Variants in TBC1D1 observed in about 807,000 individuals in gnomAD.
TBC1D1 encodes TBC1 domain family member 1, also known as TBC1 (tre-2/USP6, BUB2, cdc16) domain family, member 1.
In TBC1D1, 89 loss-of-function variants were observed where a neutral mutation model predicts 125.6. The observed-to-expected ratio is 0.71, with a 90% CI of 0.60 to 0.85. The LOEUF (loss-of-function observed/expected upper bound fraction) is 0.85, where lower values mean the gene tolerates loss of function less well. TBC1D1 is among the 40% of genes least tolerant of loss of function. The probability of loss-of-function intolerance (pLI) is 0.00; values close to 1 mark genes in which losing one functional copy is unlikely to be tolerated. For synonymous variants in TBC1D1, 565 were observed against 564.1 expected (o/e 1.00, Z -0.02); for missense variants, 1,377 against 1,469.2 (o/e 0.94, Z 1.03).
intron 12 of TBC1D1, among the ~76,000 whole-genome samples, chr4:38,070,081 G>C (rs1049296302): frequency 1.3e-5 from 2 of 152,106 alleles, no homozygotes; most frequent in African/African-American, 4.8e-5. Flanking sequence ...TGTGTTCTTG[G>C]TAATTATATT....
chr4:37,894,362 T>C (rs1714091641), intron 1 of TBC1D1, among the ~76,000 whole-genome samples: 1 of 152,198 alleles, frequency 6.6e-6, no homozygotes, highest in Admixed American at 6.6e-5. Flanking sequence ...CCTTTTCAGA[T>C]TTCAGATGTT....
At chr4:38,086,260 T>C (rs1398610276) in intron 12 of TBC1D1, among the ~76,000 whole-genome samples, 1 of 152,234 alleles carries the variant, frequency 6.6e-6, no homozygotes, top group Non-Finnish European at 1.5e-5. Context: ...GGTGAGATTT[T>C]AGCTCTGAAT....
chr4:37,934,648 C>A (rs1282270558), intron 2 of TBC1D1, among the ~76,000 whole-genome samples: 2 of 152,118 alleles, frequency 1.3e-5, no homozygotes, highest in Non-Finnish European at 2.9e-5. Flanking sequence ...AATTGGCCAG[C>A]AGAGAGAGTC....
intron 2 of TBC1D1, among the ~76,000 whole-genome samples, chr4:37,997,145 T>TA (rs1373322235): frequency 6.6e-6 from 1 of 152,266 alleles, no homozygotes; most frequent in Non-Finnish European, 1.5e-5. Context: ...GTTAACACGC[T>TA]AATGGTTTAT....
chr4:37,891,527 C>G (rs1331397411), intron 1 of TBC1D1, among the ~76,000 whole-genome samples, 179 bp downstream of exon 1: 12 of 131,172 alleles, frequency 9.1e-5, no homozygotes, highest in Non-Finnish European at 1.6e-4. Flanking sequence ...CATCTCGTTG[C>G]CCCCCTTACC....
intron 19 of TBC1D1, 39 bp downstream of exon 21, chr4:38,133,296 TATATG>T (rs773062112): frequency 6.3e-7 from 1 of 1,584,182 alleles, no homozygotes; most frequent in East Asian, 2.2e-5. Flanking sequence ...GAATCACAAA[TATATG>T]GTAGTTCATT....
chr4:38,043,109 C>T (rs142633049), intron 8 of TBC1D1, among the ~76,000 whole-genome samples: 5,130 of 150,364 alleles, frequency 0.034, 232 homozygotes, highest in African/African-American at 0.1. Context: ...CCCGTGTTGG[C>T]CAGGCTGATC....
At chr4:38,135,447 G>A (rs560703695) in intron 19 of TBC1D1, among the ~76,000 whole-genome samples, 1 of 152,366 alleles carries the variant, frequency 6.6e-6, no homozygotes, top group Non-Finnish European at 1.5e-5. Context: ...AGGACCATGT[G>A]TGAAAGAGAA....
intron 12 of TBC1D1, among the ~76,000 whole-genome samples, chr4:38,079,765 C>T (rs150449429): frequency 2.0e-5 from 3 of 152,186 alleles, no homozygotes; most frequent in South Asian, 2.1e-4. Flanking sequence ...TTTTAAAACT[C>T]TATTTAATGG....
intron 5 of TBC1D1, 142 bp from the exon 6 acceptor site, chr4:38,021,444 A>G (rs1195830315): frequency 4.8e-6 from 3 of 630,858 alleles, no homozygotes; most frequent in Non-Finnish European, 7.5e-6. Flanking sequence ...TGTTATTCCA[A>G]TTATTATCTG....
intron 8 of TBC1D1, among the ~76,000 whole-genome samples, chr4:38,042,914 A>G (rs1299455086): frequency 6.6e-6 from 1 of 152,016 alleles, no homozygotes. Context: ...GTGTGTTTGT[A>G]TTTTTGAGAT....
At chr4:38,027,342 G>A (rs976000215) in intron 6 of TBC1D1, among the ~76,000 whole-genome samples, 2 of 152,306 alleles carry the variant, frequency 1.3e-5, no homozygotes, top group East Asian at 3.9e-4. Context: ...AAATTTCCAC[G>A]CCAAGCACAG....
intron 2 of TBC1D1, among the ~76,000 whole-genome samples, chr4:37,987,987 G>A (rs371147823): frequency 1.3e-5 from 2 of 152,154 alleles, no homozygotes; most frequent in East Asian, 1.9e-4. Context: ...AGTAGCAGGC[G>A]TGGGGTGCAG....
At chr4:38,114,063 A>ACC (rs1317589539) in intron 15 of TBC1D1, among the ~76,000 whole-genome samples, 2 of 148,696 alleles carry the variant, frequency 1.3e-5, no homozygotes, top group East Asian at 3.9e-4. Flanking sequence ...ACACACACAC[A>ACC]CCTGCACACA....
intron 6 of TBC1D1, among the ~76,000 whole-genome samples, chr4:38,024,564 A>G (rs13137186): frequency 0.12 from 17,997 of 152,288 alleles, 1,144 homozygotes; most frequent in East Asian, 0.17. Flanking sequence ...CTAACATGAG[A>G]ACATTCTTAA....
At chr4:38,129,031 GTCA>G (rs1221717794) in intron 18 of TBC1D1, among the ~76,000 whole-genome samples, 4 of 152,138 alleles carry the variant, frequency 2.6e-5, no homozygotes, top group African/African-American at 7.2e-5. Flanking sequence ...GCCCAGCATT[GTCA>G]TCATATCATG....
intron 15 of TBC1D1, chr4:38,110,855 G>A (rs751432476): frequency 2.8e-5 from 27 of 978,620 alleles, no homozygotes; most frequent in Non-Finnish European, 3.3e-5. Context: ...CCCTGAGCTG[G>A]TGTCTTCCCG....
intron 2 of TBC1D1, among the ~76,000 whole-genome samples, chr4:37,956,983 C>T (rs914942446): frequency 6.6e-6 from 1 of 151,952 alleles, no homozygotes; most frequent in African/African-American, 2.4e-5. Context: ...ATGAATTTCC[C>T]CCAAAGAAGC....
At chr4:38,034,016 C>T (rs1487061330) in intron 7 of TBC1D1, among the ~76,000 whole-genome samples, 1 of 152,196 alleles carries the variant, frequency 6.6e-6, no homozygotes, top group Non-Finnish European at 1.5e-5. Flanking sequence ...TGGGTAAACA[C>T]CAAGGAGTGC....
Sources: gnomAD v4.1 joint callset for allele counts (sites outside exome capture counted in the v4.1 genomes callset) on GRCh38, gnomAD v4.1.1 for gene constraint, MANE v1.5 for transcripts, NCBI Gene and HGNC (gene_info 2026-07-23, HGNC 2026-07-21) for gene names.